The following EMC2 variants were observed in gnomAD, a reference collection of about 807,000 sequenced individuals.
EMC2 encodes the protein ER membrane protein complex subunit 2.
Under a neutral mutation model 51.6 loss-of-function variants are expected in EMC2, and 37 were observed. The observed-to-expected ratio is 0.72, with a 90% confidence interval of 0.55 to 0.94. EMC2 has a LOEUF of 0.94. EMC2 is among the 40% of genes least tolerant of loss of function. The pLI is 0.00. For synonymous variants in EMC2, 131 were observed against 112.4 expected (o/e 1.17, Z -1.04); for missense variants, 359 against 350.9 (o/e 1.02, Z -0.18).
rs1252488474 is a variant in EMC2, at chr8:108,478,790, T to C, written c.703-216T>C. Among the ~76,000 whole-genome samples the C allele has an allele frequency of 6.6e-5, 10 of 151,996 alleles. No homozygotes were observed. In the East Asian group the frequency reaches 1.4e-3, roughly 21 times the overall value. ...ATAATTTTAGGTATTATTTAAAATA[T>C]CTTTTCCCTTTCCACTATTTTGGAT... On this transcript the variant is annotated intron_variant, in intron 9 of 10. Transcript: ENST00000220853.
chr8:108,458,753 T>C (rs1480884528), intron 5 of EMC2, among the ~76,000 whole-genome samples: 1 of 152,226 alleles, frequency 6.6e-6, no homozygotes, highest in Admixed American at 6.5e-5. Flanking sequence ...ACCTCTGACA[T>C]GCCCTGGAGA....
chr8:108,461,219 A>G (rs1412876305), intron 5 of EMC2, among the ~76,000 whole-genome samples: 2 of 152,168 alleles, frequency 1.3e-5, no homozygotes, highest in African/African-American at 2.4e-5. Context: ...TATTTGTCTT[A>G]TGCCTCTGTG....
chr8:108,468,832 A>G (rs951243038), intron 5 of EMC2, among the ~76,000 whole-genome samples: 1 of 152,234 alleles, frequency 6.6e-6, no homozygotes, highest in Non-Finnish European at 1.5e-5. Flanking sequence ...TAATTTATAC[A>G]GTATGCTCCA....
chr8:108,464,401 A>G (rs562883749), intron 5 of EMC2, among the ~76,000 whole-genome samples: 30 of 152,272 alleles, frequency 2.0e-4, no homozygotes, highest in Admixed American at 5.2e-4. Context: ...CATTGGACTC[A>G]GTGGAGGGAG....
In EMC2 at chr8:108,487,451, G is replaced by A. The variant is rs1385400836; in HGVS notation, c.*853G>A. 6.6e-6 allele frequency among the ~76,000 whole-genome samples: 1 copy of A among 151,732 alleles called. No homozygotes were observed. Among genetic ancestry groups the A allele is most frequent in the Non-Finnish European group, 1.5e-5 (1 of 67,890 alleles). ...ATTTTCCTATTCTATCATTACCTTA[G>A]TTAGAATTTTTTATTTTTCTCTTTT... On this transcript the variant is annotated 3_prime_UTR_variant, in exon 11 of 11. Coordinates refer to ENST00000220853, the MANE Select transcript of EMC2 (RefSeq NM_014673.5).
At chr8:108,446,758 AT>A (rs1307568285) in intron 1 of EMC2, among the ~76,000 whole-genome samples, 1 of 152,174 alleles carries the variant, frequency 6.6e-6, no homozygotes. Flanking sequence ...TTTACAAATA[AT>A]TTTTTTAGAT....
Position 108,455,902 on chromosome 8 carries a change from G to T in EMC2, c.335G>T (p.Arg112Met). 1 of 1,365,276 alleles carries T rather than the reference G, an allele frequency of 7.3e-7. No individual in the cohort carries two copies. Among genetic ancestry groups the T allele is most frequent in the South Asian group, 1.4e-5 (1 of 69,652 alleles). The allele number at this position is 1,365,276 out of a possible 1,614,324, so 84.6% of individuals were successfully genotyped here. A position where few individuals can be genotyped will look rare whatever the true frequency, so the allele number is the denominator to read the frequency against. The change falls in exon 5 of 11, where the codon AGG becomes ATG. Residue 112 changes from arginine to methionine, a missense_variant. By Grantham distance (91) the Arg-to-Met change is moderately conservative. Coordinates refer to ENST00000220853, the MANE Select transcript of EMC2 (RefSeq NM_014673.5). ...GATGATGCTATACAGCTATATGATAGGATTTTACAAGAAGATCCAACTAAC... is the reference window on the plus strand; with the variant it reads ...GATGATGCTATACAGCTATATGATATGATTTTACAAGAAGATCCAACTAAC... The part of the protein sequence containing the change: ...RYDDAIQLYD[R>M]ILQEDPTNTA...
Position 108,486,505 on chromosome 8 carries a change from T to TTTTA in EMC2, c.808-7_808-6insTTTA. The TTTTA allele has an allele frequency of 6.4e-7, 1 of 1,554,412 alleles. No homozygotes were observed. The highest frequency in any genetic ancestry group is 2.3e-5 in the East Asian group (1 of 43,722). On this transcript the variant is annotated splice_polypyrimidine_tract_variant and splice_region_variant and intron_variant, in intron 10 of 10. Coordinates refer to ENST00000220853, the MANE Select transcript of EMC2 (RefSeq NM_014673.5). ...TAATTGAGCTTTTTTTTTTTTTTTT[T>TTTTA]AATTAGTTTGCAGGTCGAAGTAAGA...
chr8:108,457,602 T>G (rs1213391913), intron 5 of EMC2, among the ~76,000 whole-genome samples: 1 of 152,074 alleles, frequency 6.6e-6, no homozygotes, highest in East Asian at 1.9e-4. Context: ...CTCCCATTTT[T>G]AAAACCATCA....
In EMC2 at chr8:108,443,761, C is replaced by T. The variant is rs111875951; in HGVS notation, c.40+63C>T. 1,750 of 1,444,624 alleles carry T rather than the reference C, an allele frequency of 1.2e-3. 21 individuals carry two copies. In the African/African-American group the frequency reaches 0.021, roughly 18 times the overall value. 89.5% of individuals were successfully genotyped at this position (1,444,624 alleles called of 1,614,324 possible). A position where few individuals can be genotyped will look rare whatever the true frequency, so the allele number is the denominator to read the frequency against. Reference sequence around the variant, plus strand: ...GCGCTGGGAAGCCGTTCGGGAGTACCCGCTGCTTTCGGGGAGCTGGGTTCT... The same window carrying T: ...GCGCTGGGAAGCCGTTCGGGAGTACTCGCTGCTTTCGGGGAGCTGGGTTCT... On this transcript the variant is annotated intron_variant, in intron 1 of 10. Transcript: ENST00000220853.
rs199867701 is a variant in EMC2 at position 108,443,642 on chromosome 8, C to T, written c.-17C>T. The T allele has an allele frequency of 6.4e-5, 103 of 1,606,424 alleles. No individual in the cohort carries two copies. The highest frequency in any genetic ancestry group is 3.2e-4 in the African/African-American group (24 of 74,876). ...TCTCCCCGCCCTCTCACCCCGCTGC[C>T]TCTAGGTTCTGGGAAGATGGCGAAG... On this transcript the variant is annotated 5_prime_UTR_variant, in exon 1 of 11. Transcript: ENST00000220853.
chr8:108,484,137 A>G (rs1811093710), intron 10 of EMC2, among the ~76,000 whole-genome samples: 1 of 152,120 alleles, frequency 6.6e-6, no homozygotes, highest in Non-Finnish European at 1.5e-5. Context: ...GAACCTACTC[A>G]CAATGATTTT....
At chr8:108,472,590 G>A (rs1810876312) in intron 7 of EMC2, among the ~76,000 whole-genome samples, 1 of 151,446 alleles carries the variant, frequency 6.6e-6, no homozygotes, top group South Asian at 2.1e-4. Context: ...TAGGTGACTG[G>A]AAATGCATAT....
chr8:108,458,164 T>C (rs1334939953), intron 5 of EMC2, among the ~76,000 whole-genome samples: 4 of 152,236 alleles, frequency 2.6e-5, no homozygotes, highest in African/African-American at 9.6e-5. Context: ...ATTCCTATGG[T>C]CTTGGGCAGC....
At chr8:108,480,955 C>G (rs1811034521) in intron 10 of EMC2, among the ~76,000 whole-genome samples, 1 of 152,068 alleles carries the variant, frequency 6.6e-6, no homozygotes, top group African/African-American at 2.4e-5. Flanking sequence ...CTCAGGTTTT[C>G]TTGTTTAGTG....
At chr8:108,478,126 C>T (rs1179094895) in intron 9 of EMC2, among the ~76,000 whole-genome samples, 1 of 151,962 alleles carries the variant, frequency 6.6e-6, no homozygotes, top group Non-Finnish European at 1.5e-5. Context: ...GAGAGGGAGA[C>T]ATAGGTGAAA....
chr8:108,484,930 C>T (rs1034456437), intron 10 of EMC2, among the ~76,000 whole-genome samples: 2 of 151,928 alleles, frequency 1.3e-5, no homozygotes, highest in Non-Finnish European at 1.5e-5. Flanking sequence ...TCCTTAAATT[C>T]GTGATGCCTT....
intron 5 of EMC2, among the ~76,000 whole-genome samples, chr8:108,469,613 G>A (rs752913403): frequency 2.0e-5 from 3 of 152,144 alleles, no homozygotes; most frequent in African/African-American, 7.2e-5. Flanking sequence ...CATACATTGT[G>A]TGCATCAAAA....
intron 7 of EMC2, among the ~76,000 whole-genome samples, chr8:108,471,559 G>T (rs1478374603): frequency 6.6e-6 from 1 of 151,588 alleles, no homozygotes; most frequent in African/African-American, 2.4e-5. Flanking sequence ...TAAAATAAAA[G>T]CCCAAAATAA....
Sources: allele counts gnomAD v4.1 joint callset (sites outside exome capture counted in the v4.1 genomes callset), GRCh38; gene constraint gnomAD v4.1.1; transcripts MANE v1.5; gene names NCBI Gene and HGNC (gene_info 2026-07-23, HGNC 2026-07-21).